Variants in SGCZ observed in about 807,000 individuals in gnomAD.
The protein encoded by SGCZ is sarcoglycan zeta.
SGCZ carries 40 observed loss-of-function variants against 41.3 expected under a neutral mutation model. That is an observed-to-expected ratio of 0.97 (90% CI 0.75 to 1.26). The LOEUF (loss-of-function observed/expected upper bound fraction) is 1.26. Ranked by LOEUF, SGCZ falls within the 50% of genes most tolerant of loss-of-function variation. The probability of loss-of-function intolerance (pLI) is 0.00; values close to 1 mark genes in which losing one functional copy is unlikely to be tolerated. For synonymous variants in SGCZ, 206 were observed against 137.5 expected, an observed-to-expected ratio of 1.50 and a Z score of -3.49; for missense variants, 552 against 369.8, an observed-to-expected ratio of 1.49 and a Z score of -4.04.
intron 4 of SGCZ, among the ~76,000 whole-genome samples, chr8:14,210,203 G>A (rs1289293899): frequency 1.3e-5 from 2 of 151,870 alleles, no homozygotes; most frequent in Non-Finnish European, 1.5e-5. Flanking sequence ...GAATACAGGT[G>A]CACACTACTA....
chr8:14,620,796 C>A (rs1363877222), intron 1 of SGCZ, among the ~76,000 whole-genome samples: 1 of 152,102 alleles, frequency 6.6e-6, no homozygotes, highest in African/African-American at 2.4e-5. Flanking sequence ...ACAACAGGTG[C>A]TGGAAAGGAT....
intron 1 of SGCZ, among the ~76,000 whole-genome samples, chr8:14,719,023 T>G: frequency 9.6e-6 from 1 of 103,658 alleles, no homozygotes; most frequent in Non-Finnish European, 1.8e-5. Flanking sequence ...CCCACAACAG[T>G]CCCCAGAGTG....
At chr8:14,840,224 G>A (rs1307758558) in intron 1 of SGCZ, among the ~76,000 whole-genome samples, 1 of 152,108 alleles carries the variant, frequency 6.6e-6, no homozygotes, top group Non-Finnish European at 1.5e-5. Flanking sequence ...AGAGATGAGT[G>A]TTAATCAGGG....
intron 4 of SGCZ, among the ~76,000 whole-genome samples, chr8:14,188,838 G>GT (rs1404386476): frequency 0.044 from 1,010 of 22,854 alleles, 26 homozygotes; most frequent in African/African-American, 0.15. Flanking sequence ...TTTTTTGTTT[G>GT]TTTGTTTTTT....
At chr8:14,156,969 G>T (rs1283238639) in intron 5 of SGCZ, among the ~76,000 whole-genome samples, 2 of 152,130 alleles carry the variant, frequency 1.3e-5, no homozygotes, top group East Asian at 3.9e-4. Context: ...CTAAAATAAT[G>T]ATAAAAAACT....
At chr8:14,493,969 G>C (rs78638957) in intron 2 of SGCZ, among the ~76,000 whole-genome samples, 5,044 of 152,058 alleles carry the variant, frequency 0.033, 262 homozygotes, top group African/African-American at 0.11. Context: ...TCCAGAGATT[G>C]AGAAAAAAAT....
At chr8:15,182,024 C>T (rs1563169960) in intron 1 of SGCZ, among the ~76,000 whole-genome samples, 1 of 152,100 alleles carries the variant, frequency 6.6e-6, no homozygotes, top group Non-Finnish European at 1.5e-5. Flanking sequence ...ACTGAGTATC[C>T]ATTCATAGGA....
intron 1 of SGCZ, among the ~76,000 whole-genome samples, chr8:14,946,569 C>A (rs956645229): frequency 6.6e-6 from 1 of 151,950 alleles, no homozygotes; most frequent in African/African-American, 2.4e-5. Context: ...CTCTGCTGAG[C>A]GCCTGGCACA....
chr8:14,345,358 A>G (rs933273418), intron 2 of SGCZ, among the ~76,000 whole-genome samples: 3 of 152,144 alleles, frequency 2.0e-5, no homozygotes, highest in Non-Finnish European at 4.4e-5. Flanking sequence ...CTGTTTGCAG[A>G]TCTACTTATG....
chr8:14,226,993 T>G (rs1190336461), intron 4 of SGCZ, among the ~76,000 whole-genome samples: 1 of 152,134 alleles, frequency 6.6e-6, no homozygotes, highest in African/African-American at 2.4e-5. Context: ...CAGATACATT[T>G]ACCTATAATA....
At chr8:14,468,085 AC>A (rs755278108) in intron 2 of SGCZ, among the ~76,000 whole-genome samples, 3 of 152,048 alleles carry the variant, frequency 2.0e-5, no homozygotes, top group Admixed American at 6.6e-5. Context: ...ATTTTCACTT[AC>A]ATTTTTTCAA....
At chr8:14,353,880 G>C (rs1803192018) in intron 2 of SGCZ, among the ~76,000 whole-genome samples, 1 of 152,010 alleles carries the variant, frequency 6.6e-6, no homozygotes, top group Admixed American at 6.6e-5. Context: ...TCTGCTTTCA[G>C]AAGTTTATTC....
chr8:14,829,485 G>A (rs1233069673), intron 1 of SGCZ, among the ~76,000 whole-genome samples: 1 of 152,030 alleles, frequency 6.6e-6, no homozygotes, highest in Non-Finnish European at 1.5e-5. Context: ...CTTGTAAGTA[G>A]AATTGAACAT....
intron 3 of SGCZ, among the ~76,000 whole-genome samples, chr8:14,242,832 C>G (rs150894426): frequency 5.3e-5 from 8 of 152,174 alleles, no homozygotes; most frequent in African/African-American, 1.9e-4. Flanking sequence ...TTTCTTGGGG[C>G]TCATCTAATT....
At chr8:15,090,634 T>TA (rs1806122833) in intron 1 of SGCZ, among the ~76,000 whole-genome samples, 1 of 152,174 alleles carries the variant, frequency 6.6e-6, no homozygotes, top group African/African-American at 2.4e-5. Flanking sequence ...AGAAACTGAT[T>TA]AATCAAGACT....
At chr8:14,932,466 G>A (rs1799946675) in intron 1 of SGCZ, among the ~76,000 whole-genome samples, 1 of 151,938 alleles carries the variant, frequency 6.6e-6, no homozygotes, top group Non-Finnish European at 1.5e-5. Flanking sequence ...TAAAGTTGGT[G>A]CATTCGTTCT....
intron 1 of SGCZ, among the ~76,000 whole-genome samples, chr8:15,140,186 G>A (rs956090112): frequency 6.6e-6 from 1 of 151,880 alleles, no homozygotes; most frequent in Non-Finnish European, 1.5e-5. Flanking sequence ...CACCATGGTT[G>A]GCTAATTTTT....
intron 4 of SGCZ, among the ~76,000 whole-genome samples, chr8:14,234,916 A>G (rs1328737627): frequency 6.6e-6 from 1 of 152,142 alleles, no homozygotes; most frequent in Admixed American, 6.5e-5. Flanking sequence ...AACCTTATCT[A>G]ATATCACACA....
At chr8:15,033,968 C>T (rs1012006064) in intron 1 of SGCZ, among the ~76,000 whole-genome samples, 1 of 152,146 alleles carries the variant, frequency 6.6e-6, no homozygotes. Flanking sequence ...AAGGATTTTT[C>T]CAGACAAAGC....
Sources: gnomAD v4.1 joint callset for allele counts (sites outside exome capture counted in the v4.1 genomes callset) on GRCh38, gnomAD v4.1.1 for gene constraint, MANE v1.5 for transcripts, NCBI Gene and HGNC (gene_info 2026-07-23, HGNC 2026-07-21) for gene names.